RHBDD1: variants seen among roughly 807,000 people sequenced by gnomAD.
RHBDD1 encodes the protein rhomboid-related protein 4.
Under a neutral mutation model 36.3 loss-of-function variants are expected in RHBDD1, and 38 were observed. The observed-to-expected ratio is 1.05, with a 90% CI of 0.81 to 1.37. The LOEUF is 1.37. RHBDD1 is among the 40% of genes most tolerant of loss of function. RHBDD1 has a pLI of 0.00. For synonymous variants in RHBDD1, 151 were observed against 136.5 expected, an observed-to-expected ratio of 1.11 and a Z score of -0.74; for missense variants, 393 against 377.6, an observed-to-expected ratio of 1.04 and a Z score of -0.34.
At chr2:226,883,266 T>G (rs1176890009) in intron 5 of RHBDD1, among the ~76,000 whole-genome samples, 1 of 152,254 alleles carries the variant, frequency 6.6e-6, no homozygotes, top group Non-Finnish European at 1.5e-5. Flanking sequence ...AGTTTTAATT[T>G]AGGTGCATGA....
chr2:226,895,723 A>G, intron 5 of RHBDD1: 11 of 985,210 alleles, frequency 1.1e-5, no homozygotes, highest in Non-Finnish European at 1.3e-5. Context: ...AAAGCTAATG[A>G]TTATGACTTT....
At chr2:226,895,787 C>CT in intron 5 of RHBDD1, 1 of 985,400 alleles carries the variant, frequency 1.0e-6, no homozygotes, top group Non-Finnish European at 1.2e-6. Flanking sequence ...GGAAGGTGTT[C>CT]TTAACAACTC....
At chr2:226,868,583 A>T (rs1361017190) in intron 5 of RHBDD1, among the ~76,000 whole-genome samples, 1 of 152,220 alleles carries the variant, frequency 6.6e-6, no homozygotes, top group Non-Finnish European at 1.5e-5. Flanking sequence ...AGGTTCAGAA[A>T]GAAGGAAGAT....
chr2:226,949,970 G>T (rs183812261), intron 8 of RHBDD1, among the ~76,000 whole-genome samples: 2 of 152,016 alleles, frequency 1.3e-5, no homozygotes, highest in African/African-American at 4.8e-5. Flanking sequence ...TGTTTTTCAC[G>T]TACTCCACAA....
At chr2:226,885,470 T>C (rs1946127735) in intron 5 of RHBDD1, among the ~76,000 whole-genome samples, 1 of 152,114 alleles carries the variant, frequency 6.6e-6, no homozygotes, top group South Asian at 2.1e-4. Flanking sequence ...TGATAGAATA[T>C]TGTACAGCCA....
intron 3 of RHBDD1, among the ~76,000 whole-genome samples, chr2:226,851,603 G>A (rs1942822594): frequency 6.6e-6 from 1 of 151,912 alleles, no homozygotes; most frequent in Non-Finnish European, 1.5e-5. Context: ...ATTGCCTGGG[G>A]ATCCCCTGCA....
At chr2:226,883,867 T>C in intron 5 of RHBDD1, among the ~76,000 whole-genome samples, 1 of 152,322 alleles carries the variant, frequency 6.6e-6, no homozygotes, top group South Asian at 2.1e-4. Context: ...AGGAAAAGGG[T>C]GTTTTTAATA....
chr2:226,807,369 C>T, the RHBDD1 span: 141 of 152,186 alleles, frequency 9.3e-4, no homozygotes, highest in African/African-American at 3.3e-3. Context: ...TTAAAAACTG[C>T]TTACCAGGAA....
chr2:226,871,981 C>T (rs114666008), intron 5 of RHBDD1, among the ~76,000 whole-genome samples: 1,622 of 152,256 alleles, frequency 0.011, 26 homozygotes, highest in South Asian at 0.043. Context: ...AACTTTTTGT[C>T]TAGATCAGTG....
chr2:226,872,643 G>A (rs1574897532), intron 5 of RHBDD1, among the ~76,000 whole-genome samples: 1 of 152,114 alleles, frequency 6.6e-6, no homozygotes, highest in African/African-American at 2.4e-5. Flanking sequence ...ATCAAATGTT[G>A]TCATTGACCT....
chr2:226,980,849 G>T (rs1955568063), intron 8 of RHBDD1, among the ~76,000 whole-genome samples: 1 of 152,082 alleles, frequency 6.6e-6, no homozygotes, highest in Non-Finnish European at 1.5e-5. Flanking sequence ...TTCATAAAAT[G>T]TTTTATTTTA....
chr2:226,995,457 T>C lies in RHBDD1; in HGVS notation c.883T>C (p.Tyr295His). The change falls in exon 9 of 9, where the codon TAC becomes CAC. Residue 295 changes from tyrosine (Y) to histidine (H), a missense_variant. Tyr to His is a moderately conservative substitution (Grantham distance 83). Coordinates refer to ENST00000392062, the MANE Select transcript of RHBDD1 (RefSeq NM_001167608.3). ...AAATACCAGAAATAGCCCACCACCCTACGGGTTTCATCTCTCACCAGAAGA... is the reference window on the plus strand; with the variant it reads ...AAATACCAGAAATAGCCCACCACCCCACGGGTTTCATCTCTCACCAGAAGA... ...RGNTRNSPPP[Y>H]GFHLSPEEMR... 1 of 1,612,886 alleles carries C rather than the reference T, an allele frequency of 6.2e-7. No homozygotes were observed. Among genetic ancestry groups the C allele is most frequent in the Non-Finnish European group, 8.5e-7 (1 of 1,179,288 alleles).
intron 5 of RHBDD1, among the ~76,000 whole-genome samples, chr2:226,886,481 T>C (rs1347790775): frequency 1.3e-5 from 2 of 152,122 alleles, no homozygotes; most frequent in African/African-American, 4.8e-5. Flanking sequence ...GTAGAAGACC[T>C]GAAAACGCGG....
upstream of RHBDD1, among the ~76,000 whole-genome samples, chr2:226,833,628 T>C (rs117369616): frequency 2.0e-5 from 3 of 152,356 alleles, no homozygotes; most frequent in East Asian, 5.8e-4. Flanking sequence ...ACAATGTGCA[T>C]AGTGCTGCCT....
intron 8 of RHBDD1, among the ~76,000 whole-genome samples, chr2:226,980,504 A>G (rs1386647206): frequency 1.3e-5 from 2 of 152,158 alleles, no homozygotes; most frequent in African/African-American, 4.8e-5. Flanking sequence ...CATCTCTGAC[A>G]TGAGCAAGTC....
intron 8 of RHBDD1, among the ~76,000 whole-genome samples, chr2:226,918,786 T>C (rs1214213445): frequency 6.6e-6 from 1 of 152,090 alleles, no homozygotes; most frequent in East Asian, 1.9e-4. Context: ...GGAATATAGA[T>C]ATCTCTTTGA....
chr2:226,814,950 G>A, the RHBDD1 span, among the ~76,000 whole-genome samples: 3 of 152,254 alleles, frequency 2.0e-5, no homozygotes, highest in African/African-American at 7.2e-5. Flanking sequence ...GGTCATGGAG[G>A]CACCCAGCAA....
chr2:226,917,276 CT>C (rs1468503499), intron 8 of RHBDD1, among the ~76,000 whole-genome samples: 1 of 151,900 alleles, frequency 6.6e-6, no homozygotes, highest in Non-Finnish European at 1.5e-5. Context: ...CTTAAAAAAA[CT>C]TCTTGTAAAA....
chr2:226,876,372 C>T (rs149675727), intron 5 of RHBDD1, among the ~76,000 whole-genome samples: 1 of 152,180 alleles, frequency 6.6e-6, no homozygotes, highest in African/African-American at 2.4e-5. Flanking sequence ...AGAGCAGTTT[C>T]CAAGGCCCAG....
Sources: allele counts gnomAD v4.1 joint callset (sites outside exome capture counted in the v4.1 genomes callset), GRCh38; gene constraint gnomAD v4.1.1; transcripts MANE v1.5; gene names NCBI Gene and HGNC (gene_info 2026-07-23, HGNC 2026-07-21).